Variants in INPP4A observed in about 807,000 individuals in gnomAD.
INPP4A encodes the protein inositol polyphosphate-4-phosphatase type I A.
A neutral mutation model predicts 119.8 loss-of-function variants in INPP4A; 33 were observed. The ratio of observed to expected loss-of-function variants is 0.28; its 90% CI spans 0.21 to 0.37. INPP4A has a LOEUF of 0.37. Among genes scored for constraint, INPP4A ranks in the 10% least tolerant of loss-of-function variants. INPP4A has a pLI of 1.00. For synonymous variants in INPP4A, 496 were observed against 500.7 expected (o/e 0.99, Z 0.12); for missense variants, 956 against 1,289.9 (o/e 0.74, Z 3.97).
chr2:98,486,092 G>A (rs1250680999), intron 1 of INPP4A, among the ~76,000 whole-genome samples: 1 of 152,160 alleles, frequency 6.6e-6, no homozygotes, highest in Non-Finnish European at 1.5e-5. Flanking sequence ...TGGGTCTCTG[G>A]GAGGAGGTTT....
intron 17 of INPP4A, among the ~76,000 whole-genome samples, chr2:98,561,746 T>C (rs1049909779): frequency 6.6e-6 from 1 of 152,250 alleles, no homozygotes; most frequent in African/African-American, 2.4e-5. Flanking sequence ...ATGATATGCA[T>C]GACAGCTAGA....
intron 17 of INPP4A, among the ~76,000 whole-genome samples, chr2:98,562,041 G>A (rs1172371733): frequency 6.6e-6 from 1 of 152,172 alleles, no homozygotes; most frequent in Non-Finnish European, 1.5e-5. Context: ...AGGGGTCGAG[G>A]GCCTTGCCTG....
At chr2:98,563,337 G>GGGC in intron 17 of INPP4A, 128 bp from the exon 18 acceptor site, 1 of 876,848 alleles carries the variant, frequency 1.1e-6, no homozygotes, top group Non-Finnish European at 1.8e-6. Flanking sequence ...GACAGAGCTG[G>GGGC]AAGATGAGGT....
At chr2:98,470,985 G>GA (rs1282363376) in intron 1 of INPP4A, among the ~76,000 whole-genome samples, 4 of 152,170 alleles carry the variant, frequency 2.6e-5, no homozygotes, top group Non-Finnish European at 5.9e-5. Context: ...CATTTCTAAA[G>GA]AAACCATCAC....
intron 10 of INPP4A, among the ~76,000 whole-genome samples, chr2:98,541,884 C>T (rs1459269079): frequency 6.6e-6 from 1 of 152,218 alleles, no homozygotes; most frequent in Non-Finnish European, 1.5e-5. Flanking sequence ...CATTCCTGGC[C>T]AAGAGTTCAT....
At chr2:98,506,303 A>T (rs1268992599) in intron 1 of INPP4A, among the ~76,000 whole-genome samples, 1 of 152,244 alleles carries the variant, frequency 6.6e-6, no homozygotes, top group Non-Finnish European at 1.5e-5. Context: ...AGAGCACTGG[A>T]CTAGTAAGGC....
At chr2:98,539,854 A>ATTCC (rs1350908050) in intron 10 of INPP4A, among the ~76,000 whole-genome samples, 179 bp downstream of exon 10, 13 of 152,248 alleles carry the variant, frequency 8.5e-5, no homozygotes, top group Admixed American at 3.3e-4. Context: ...GGGATCATGG[A>ATTCC]TTCCTGTGCA....
rs1700326309 is a variant in INPP4A, at chr2:98,590,530, T to C, written c.*2922T>C. 5.1e-6 allele frequency: 1 copy of C among 194,356 alleles called. No individual in the cohort carries two copies. The highest frequency in any genetic ancestry group is 1.9e-4 in the South Asian group (1 of 5,170). 12.0% of individuals were successfully genotyped at this position (194,356 alleles called of 1,614,324 possible). A position where few individuals can be genotyped will look rare whatever the true frequency, so the allele number is the denominator to read the frequency against. ...ACGTGCGACGCGCCTCAGAAGTACG[T>C]GTTCATAAATGGTAGCCATTGTTGT... On this transcript the variant is annotated 3_prime_UTR_variant, in exon 25 of 25. Transcript: ENST00000409851.
intron 1 of INPP4A, among the ~76,000 whole-genome samples, chr2:98,500,697 A>T (rs532181207): frequency 2.9e-4 from 44 of 152,308 alleles, no homozygotes; most frequent in African/African-American, 9.6e-4. Context: ...ACCTAACAGG[A>T]TTCTTGCTAA....
At position 98,555,425 on chromosome 2, in the gene INPP4A, A is replaced by G. The variant is rs955031556; in HGVS notation, c.1567-128A>G. The G allele has an allele frequency of 3.3e-5, 33 of 994,064 alleles. 2 individuals carry two copies. In the South Asian group the frequency reaches 5.6e-4, roughly 17 times the overall value. The allele number at this position is 994,064 out of a possible 1,614,324, so 61.6% of individuals were successfully genotyped here. The stretch of plus-strand genomic sequence containing the variant: ...AATTAGGAATCATCTTTATATTTCT[A>G]AACTTTGAGGTATTTTAACAAGTGT... On this transcript the variant is annotated intron_variant, in intron 15 of 24. Transcript: ENST00000409851.
chr2:98,468,827 G>A (rs1415854641), intron 1 of INPP4A, among the ~76,000 whole-genome samples: 1 of 152,112 alleles, frequency 6.6e-6, no homozygotes, highest in East Asian at 1.9e-4. Flanking sequence ...GAGCCAGAGA[G>A]ACCCAAAGTC....
intron 22 of INPP4A, chr2:98,568,959 T>A: frequency 3.1e-6 from 1 of 320,924 alleles, no homozygotes; most frequent in Non-Finnish European, 5.9e-6. Context: ...ATTGTGCACC[T>A]CCTGGTAGGA....
intron 24 of INPP4A, among the ~76,000 whole-genome samples, chr2:98,585,073 G>C (rs1699807640): frequency 6.6e-6 from 1 of 152,196 alleles, no homozygotes; most frequent in African/African-American, 2.4e-5. Context: ...ACAATCAGGA[G>C]TGGTTCTCTT....
intron 13 of INPP4A, among the ~76,000 whole-genome samples, chr2:98,549,765 T>G (rs1396189716): frequency 6.6e-6 from 1 of 152,182 alleles, no homozygotes; most frequent in East Asian, 1.9e-4. Flanking sequence ...ATGTCCAGGC[T>G]GAGGCCTCTC....
At chr2:98,462,533 G>GT (rs894217916) in intron 1 of INPP4A, among the ~76,000 whole-genome samples, 95 of 147,100 alleles carry the variant, frequency 6.5e-4, no homozygotes, top group South Asian at 4.9e-3. Context: ...AATTATTATT[G>GT]TTTTTTTTTT....
At chr2:98,486,343 C>T (rs985579258) in intron 1 of INPP4A, among the ~76,000 whole-genome samples, 3 of 152,196 alleles carry the variant, frequency 2.0e-5, no homozygotes, top group Non-Finnish European at 4.4e-5. Flanking sequence ...TTTGGAAAAT[C>T]CTCTTCCTTG....
In INPP4A at chr2:98,554,288, G is replaced by T; in HGVS notation, c.1365G>T (p.Thr455=). Reference sequence around the variant, plus strand: ...ACCTGCAGACACGGCAGCTGGTCACGGTCTGCGACTGCAAGCTCCTGGCCA... The same window carrying T: ...ACCTGCAGACACGGCAGCTGGTCACTGTCTGCGACTGCAAGCTCCTGGCCA... ...ILADKTRQLV[T]VCDCKLLANS... The change falls in exon 15 of 25, where the codon ACG becomes ACT. Residue 455 remains threonine (T), a synonymous_variant. Coordinates refer to ENST00000409851, the MANE Select transcript of INPP4A (RefSeq NM_001134225.2). The surrounding 1 kb of genome is among the most constrained non-coding windows in gnomAD (Gnocchi z 4.7). 1 of 1,606,890 alleles carries T rather than the reference G, an allele frequency of 6.2e-7. No homozygotes were observed. Among genetic ancestry groups the T allele is most frequent in the South Asian group, 1.1e-5 (1 of 89,626 alleles).
At chr2:98,520,760 TA>T (rs1447261886) in intron 4 of INPP4A, 29 bp downstream of exon 4, 2 of 1,268,144 alleles carry the variant, frequency 1.6e-6, no homozygotes, top group East Asian at 2.5e-5. Flanking sequence ...TTTTTTGTTT[TA>T]AAAAATATTT....
chr2:98,580,228 G>A (rs1033138072), intron 24 of INPP4A, among the ~76,000 whole-genome samples: 7 of 151,920 alleles, frequency 4.6e-5, no homozygotes, highest in Non-Finnish European at 1.0e-4. Context: ...CTTATCAGAC[G>A]GAAGAGTAGA....
Sources: gnomAD v4.1 joint callset for allele counts (sites outside exome capture counted in the v4.1 genomes callset) on GRCh38, gnomAD v4.1.1 for gene constraint, Gnocchi (gnomAD v3.1) non-coding constraint, MANE v1.5 for transcripts, NCBI Gene and HGNC (gene_info 2026-07-23, HGNC 2026-07-21) for gene names.